SPATA31F1: variants seen among roughly 807,000 people sequenced by gnomAD.
SPATA31F1 encodes the protein SPATA31 subfamily F member 1.
chr9:34,725,030 A>T, the SPATA31F1 span: 1 of 1,551,914 alleles, frequency 6.4e-7, no homozygotes, highest in South Asian at 1.2e-5. Flanking sequence ...CATCCAGGGC[A>T]TAACTTTGTG....
the SPATA31F1 span, chr9:34,727,017 G>A: frequency 5.2e-6 from 8 of 1,535,282 alleles, no homozygotes; most frequent in African/African-American, 1.4e-5. Context: ...CAAAATTAAC[G>A]ATGGAGTGAC....
At chr9:34,728,726 A>C in the SPATA31F1 span, 1 of 1,369,450 alleles carries the variant, frequency 7.3e-7, no homozygotes, top group African/African-American at 1.4e-5. Flanking sequence ...ATGAGACAAA[A>C]CTTACATACA....
chr9:34,726,581 A>G, the SPATA31F1 span: 9 of 1,551,518 alleles, frequency 5.8e-6, no homozygotes, highest in African/African-American at 5.5e-5. Flanking sequence ...TGAAGAAGCT[A>G]TGGTGTTTGG....
At chr9:34,723,723 T>C in the SPATA31F1 span, 2 of 1,551,582 alleles carry the variant, frequency 1.3e-6, no homozygotes, top group African/African-American at 2.7e-5. Flanking sequence ...GTTGGTTGGC[T>C]CAGGAAAGGC....
the SPATA31F1 span, chr9:34,725,115 C>T: frequency 0.013 from 20,510 of 1,550,508 alleles, 153 homozygotes; most frequent in Middle Eastern, 0.033. Flanking sequence ...GGAGCCACTG[C>T]CAGGACCCCA....
At chr9:34,726,513 T>C in the SPATA31F1 span, 1 of 1,551,682 alleles carries the variant, frequency 6.4e-7, no homozygotes, top group East Asian at 2.4e-5. Flanking sequence ...TGGACAAGGC[T>C]GGGGTTGCTC....
chr9:34,728,057 A>G, the SPATA31F1 span: 1 of 1,552,008 alleles, frequency 6.4e-7, no homozygotes. Flanking sequence ...GTGGCTTCTC[A>G]GCTTCTTCCC....
the SPATA31F1 span, chr9:34,725,934 G>C: frequency 6.4e-7 from 1 of 1,551,156 alleles, no homozygotes; most frequent in African/African-American, 1.4e-5. Flanking sequence ...AGAGAAGGGA[G>C]CCCACAGAAT....
the SPATA31F1 span, chr9:34,723,202 A>G: frequency 6.5e-7 from 1 of 1,542,832 alleles, no homozygotes; most frequent in Non-Finnish European, 8.8e-7. Flanking sequence ...TGAGCGGACC[A>G]ATGTTTCTAT....
the SPATA31F1 span, chr9:34,725,606 T>C: frequency 6.6e-7 from 1 of 1,515,068 alleles, no homozygotes. Flanking sequence ...CTGGGTGTGC[T>C]GAGACCTCTG....
chr9:34,723,887 T>A, the SPATA31F1 span: 2 of 1,551,654 alleles, frequency 1.3e-6, no homozygotes, highest in Non-Finnish European at 1.7e-6. Flanking sequence ...GAGCTTAAGC[T>A]GAGGGTGATG....
At chr9:34,723,739 C>T in the SPATA31F1 span, 36 of 1,551,624 alleles carry the variant, frequency 2.3e-5, no homozygotes, top group South Asian at 3.3e-4. Context: ...AAGGCTGACC[C>T]TGTGAAGCCT....
the SPATA31F1 span, chr9:34,723,525 C>T: frequency 7.8e-5 from 121 of 1,551,814 alleles, no homozygotes; most frequent in East Asian, 8.1e-4. Context: ...ACCTTCGCAG[C>T]GGCTGAGAAC....
chr9:34,725,424 C>T, the SPATA31F1 span: 12 of 1,197,144 alleles, frequency 1.0e-5, 1 homozygote, highest in East Asian at 3.1e-5. Flanking sequence ...TGAGGCAGGC[C>T]CCAGCGATGG....
chr9:34,728,673 T>G, the SPATA31F1 span: 2 of 1,551,170 alleles, frequency 1.3e-6, no homozygotes, highest in Non-Finnish European at 1.7e-6. Context: ...ACAAAAACAT[T>G]AGAATGTGAA....
chr9:34,726,970 C>T, the SPATA31F1 span: 1 of 1,547,902 alleles, frequency 6.5e-7, no homozygotes, highest in Non-Finnish European at 8.7e-7. Flanking sequence ...CACTTCTCTC[C>T]AGAGGAAGCC....
the SPATA31F1 span, chr9:34,727,004 C>G: frequency 6.5e-7 from 1 of 1,540,852 alleles, no homozygotes; most frequent in Non-Finnish European, 8.8e-7. Flanking sequence ...AAGGGAAACA[C>G]GGCAAAATTA....
At chr9:34,726,818 A>G in the SPATA31F1 span, 6 of 1,551,696 alleles carry the variant, frequency 3.9e-6, no homozygotes, top group Admixed American at 2.0e-5. Context: ...CGTAGACAGC[A>G]TCTCTAGGCA....
the SPATA31F1 span, chr9:34,725,787 G>T: frequency 6.5e-7 from 1 of 1,548,590 alleles, no homozygotes; most frequent in African/African-American, 1.4e-5. Context: ...GCTGACTGGG[G>T]TGAAGTTTTA....
Sources: allele counts gnomAD v4.1 joint callset, GRCh38; gene constraint gnomAD v4.1.1; transcripts MANE v1.5; gene names NCBI Gene and HGNC (gene_info 2026-07-23, HGNC 2026-07-21).